ASAP1: variants seen among roughly 807,000 people sequenced by gnomAD.
ASAP1 encodes the protein ArfGAP with SH3 domain, ankyrin repeat and PH domain 1.
ASAP1 carries 43 observed loss-of-function variants against 145.2 expected under a neutral mutation model. The ratio of observed to expected loss-of-function variants is 0.30; its 90% confidence interval spans 0.23 to 0.38. The LOEUF (loss-of-function observed/expected upper bound fraction) is 0.38. Among genes scored for constraint, ASAP1 ranks in the 10% least tolerant of loss-of-function variants. The pLI is 1.00. For synonymous variants in ASAP1, 546 were observed against 515.5 expected, an observed-to-expected ratio of 1.06 and a Z score of -0.80; for missense variants, 1,018 against 1,355.3, an observed-to-expected ratio of 0.75 and a Z score of 3.91.
chr8:130,194,628 G>A (rs1224818843), intron 5 of ASAP1, among the ~76,000 whole-genome samples: 2 of 152,280 alleles, frequency 1.3e-5, no homozygotes, highest in Non-Finnish European at 1.5e-5. Flanking sequence ...AGGGGTTGGG[G>A]GAGCTGTTTT....
intron 10 of ASAP1, 92 bp from the exon 11 acceptor site, chr8:130,167,714 T>C: frequency 1.1e-6 from 1 of 925,914 alleles, no homozygotes; most frequent in Non-Finnish European, 1.7e-6. Flanking sequence ...CAAAATTCTA[T>C]TATATATTTG....
intron 1 of ASAP1, among the ~76,000 whole-genome samples, chr8:130,432,052 AAG>A (rs1466164086): frequency 1.1e-5 from 1 of 92,666 alleles, no homozygotes; most frequent in Non-Finnish European, 2.1e-5. Context: ...GAGGTGGGGG[AAG>A]AGAGAGGAGG....
At chr8:130,385,571 A>G (rs1009675753) in intron 2 of ASAP1, among the ~76,000 whole-genome samples, 1 of 152,212 alleles carries the variant, frequency 6.6e-6, no homozygotes, top group Non-Finnish European at 1.5e-5. Flanking sequence ...ATGTTTTCTC[A>G]GTTACCAGGT....
At chr8:130,288,295 T>C (rs758331426) in intron 3 of ASAP1, among the ~76,000 whole-genome samples, 1 of 151,236 alleles carries the variant, frequency 6.6e-6, no homozygotes, top group Non-Finnish European at 1.5e-5. Context: ...ATTCCTCAAT[T>C]TGGGTCCCCA....
At chr8:130,205,758 A>C (rs1424918815) in intron 5 of ASAP1, among the ~76,000 whole-genome samples, 5 of 152,104 alleles carry the variant, frequency 3.3e-5, no homozygotes, top group Admixed American at 1.3e-4. Flanking sequence ...AACTGTGTTT[A>C]ATTATAAGCA....
intron 4 of ASAP1, among the ~76,000 whole-genome samples, chr8:130,215,662 T>A (rs1816854921): frequency 6.6e-6 from 1 of 151,776 alleles, no homozygotes; most frequent in Non-Finnish European, 1.5e-5. Context: ...GAGAATGGTG[T>A]GAACCTGGGA....
At chr8:130,295,982 A>G (rs796965618) in intron 3 of ASAP1, among the ~76,000 whole-genome samples, 5 of 152,250 alleles carry the variant, frequency 3.3e-5, no homozygotes, top group African/African-American at 1.2e-4. Flanking sequence ...AATGCCACCC[A>G]ATTAAAGGGA....
rs923020579 is a variant in ASAP1, at chr8:130,357,870, C to G, written c.186+147G>C. The G allele has an allele frequency of 5.3e-6, 6 of 1,128,548 alleles. No individual in the cohort carries two copies. The African/African-American group carries it at 7.8e-5, about 15-fold the overall frequency. The allele number at this position is 1,128,548 out of a possible 1,614,324, so 69.9% of individuals were successfully genotyped here. On this transcript the variant is annotated intron_variant, in intron 3 of 29. Transcript: ENST00000518721. ...GGAGATGGGGAAGGCGCCGCCCGTC[C>G]GAAGTCCCTTATTCACCCGGCGGCT...
At chr8:130,196,531 C>T (rs1815503666) in intron 5 of ASAP1, among the ~76,000 whole-genome samples, 1 of 152,210 alleles carries the variant, frequency 6.6e-6, no homozygotes, top group South Asian at 2.1e-4. Context: ...GTCAGCAGGG[C>T]CTCGTTTTTT....
intron 9 of ASAP1, among the ~76,000 whole-genome samples, chr8:130,171,796 G>A (rs1391193980): frequency 6.6e-6 from 1 of 152,218 alleles, no homozygotes; most frequent in Non-Finnish European, 1.5e-5. Context: ...GTTCTGCACA[G>A]AGCAGGCCAT....
At position 130,089,181 on chromosome 8, in the gene ASAP1, A is replaced by C. The variant is rs1437079706; in HGVS notation, c.2572+2792T>G. Among the ~76,000 whole-genome samples, 4 of 152,230 alleles carry C rather than the reference A, an allele frequency of 2.6e-5. No homozygotes were observed. The East Asian group carries it at 7.7e-4, about 29-fold the overall frequency. On this transcript the variant is annotated intron_variant, in intron 25 of 29. Transcript: ENST00000518721. ...AGGCCTTTTAAGTAGATCCCAGGAC[A>C]GCAGATCTTGAAAGATGACTAAACA...
intron 24 of ASAP1, among the ~76,000 whole-genome samples, chr8:130,103,446 G>A (rs2097532145): frequency 6.6e-6 from 1 of 151,646 alleles, no homozygotes; most frequent in South Asian, 2.1e-4. Flanking sequence ...TTTTGGATTT[G>A]GTTTGTCCTT....
intron 3 of ASAP1, among the ~76,000 whole-genome samples, chr8:130,334,563 C>A (rs1824914945): frequency 6.6e-6 from 1 of 152,200 alleles, no homozygotes; most frequent in South Asian, 2.1e-4. Flanking sequence ...TTCTTCACAA[C>A]CATTCTGATA....
intron 2 of ASAP1, among the ~76,000 whole-genome samples, chr8:130,398,021 AGGACTAAAGGTGCT>A (rs1471483728): frequency 2.0e-5 from 3 of 152,272 alleles, no homozygotes; most frequent in African/African-American, 7.2e-5. Context: ...AGTCAGTCAG[AGGACTAAAGGTGCT>A]GGCCTTGTGT....
intron 9 of ASAP1, among the ~76,000 whole-genome samples, chr8:130,170,492 T>C (rs1813515995): frequency 6.6e-6 from 1 of 152,148 alleles, no homozygotes; most frequent in Non-Finnish European, 1.5e-5. Context: ...AAGCTTAATA[T>C]GTATATTCAG....
chr8:130,321,204 C>T (rs143274384), intron 3 of ASAP1, among the ~76,000 whole-genome samples: 69 of 152,158 alleles, frequency 4.5e-4, no homozygotes, highest in African/African-American at 1.5e-3. Context: ...GTGAATAAGC[C>T]CCAGTGGCTA....
intron 3 of ASAP1, among the ~76,000 whole-genome samples, chr8:130,352,017 T>G (rs1429301254): frequency 6.6e-5 from 10 of 152,212 alleles, no homozygotes; most frequent in Admixed American, 6.5e-4. Context: ...AGACAAAACC[T>G]CATCCTAAGT....
chr8:130,084,166 C>T (rs1237556247), intron 25 of ASAP1: 1 of 152,206 alleles, frequency 6.6e-6, no homozygotes, highest in East Asian at 1.9e-4. Flanking sequence ...ACAGGACTGA[C>T]CGTGCTGGCT....
At chr8:130,064,399 C>T (rs2097425844) in intron 27 of ASAP1, among the ~76,000 whole-genome samples, 2 of 152,208 alleles carry the variant, frequency 1.3e-5, no homozygotes, top group East Asian at 1.9e-4. Flanking sequence ...GCTTTAAGGC[C>T]TGAACACCTG....
Sources: allele counts gnomAD v4.1 joint callset (sites outside exome capture counted in the v4.1 genomes callset), GRCh38; gene constraint gnomAD v4.1.1; transcripts MANE v1.5; gene names NCBI Gene and HGNC (gene_info 2026-07-23, HGNC 2026-07-21).